CSMD1: variants seen among roughly 807,000 people sequenced by gnomAD.
CSMD1 encodes the protein CUB and sushi domain-containing protein 1.
In CSMD1, 213 loss-of-function variants were observed where a neutral mutation model predicts 417.5. That is an observed-to-expected ratio of 0.51 (90% CI 0.46 to 0.57). The LOEUF is 0.57. Ranked by LOEUF, CSMD1 falls within the 20% of genes least tolerant of loss-of-function variation. The pLI, the probability that CSMD1 is intolerant of heterozygous loss-of-function variation, is 0.00. For missense variants in CSMD1, 6,923 were observed against 4,529.7 expected (o/e 1.53, Z -15.17); for synonymous variants, 2,862 against 1,736.8 (o/e 1.65, Z -16.11).
intron 5 of CSMD1, among the ~76,000 whole-genome samples, chr8:3,847,544 C>T (rs75804867): frequency 0.023 from 3,461 of 152,206 alleles, 127 homozygotes; most frequent in African/African-American, 0.079. Context: ...AGATCACAGA[C>T]TGAAGGAGTC....
chr8:3,094,682 T>A (rs538452258), intron 47 of CSMD1, among the ~76,000 whole-genome samples: 1 of 151,914 alleles, frequency 6.6e-6, no homozygotes, highest in South Asian at 2.1e-4. Flanking sequence ...AAAAGCATTA[T>A]GGGATATCCA....
At chr8:3,738,179 T>C (rs1796620626) in intron 6 of CSMD1, among the ~76,000 whole-genome samples, 1 of 152,332 alleles carries the variant, frequency 6.6e-6, no homozygotes, top group African/African-American at 2.4e-5. Flanking sequence ...CTTTGATCTA[T>C]ACATTTAATA....
intron 21 of CSMD1, among the ~76,000 whole-genome samples, chr8:3,354,923 C>CTATAGATATATCTATAGATATGTCTATA (rs1808672729): frequency 6.6e-6 from 1 of 150,490 alleles, no homozygotes; most frequent in Non-Finnish European, 1.5e-5. Context: ...ATATGTCTAT[C>CTATAGATATATCTATAGATATGTCTATA]TATAGATATA....
intron 37 of CSMD1, among the ~76,000 whole-genome samples, chr8:3,171,594 A>T (rs1293865200): frequency 1.3e-5 from 2 of 152,186 alleles, no homozygotes; most frequent in South Asian, 4.1e-4. Context: ...TGCAAGACCT[A>T]CTGTAGAACA....
At chr8:3,460,447 G>C (rs930661119) in intron 12 of CSMD1, among the ~76,000 whole-genome samples, 2 of 152,066 alleles carry the variant, frequency 1.3e-5, no homozygotes, top group Non-Finnish European at 1.5e-5. Context: ...AAACAGTGTA[G>C]GAACACTCTC....
At chr8:3,280,445 C>A (rs1802645482) in intron 26 of CSMD1, among the ~76,000 whole-genome samples, 2 of 152,134 alleles carry the variant, frequency 1.3e-5, no homozygotes, top group South Asian at 4.1e-4. Flanking sequence ...GTTTTTATAT[C>A]TTGTTTTTCC....
At chr8:4,695,459 C>T (rs1807067111) in intron 1 of CSMD1, among the ~76,000 whole-genome samples, 2 of 152,120 alleles carry the variant, frequency 1.3e-5, no homozygotes, top group East Asian at 3.8e-4. Flanking sequence ...GTTATGTGGA[C>T]TCAGTTGTTG....
chr8:3,094,800 C>CAAAAAAAAA (rs33991879), intron 47 of CSMD1, among the ~76,000 whole-genome samples: 2 of 105,408 alleles, frequency 1.9e-5, no homozygotes, highest in Non-Finnish European at 3.8e-5. Context: ...GCCCGTCTTA[C>CAAAAAAAAA]AAAAAAAAAA....
chr8:3,054,124 C>A (rs973915325), intron 49 of CSMD1, among the ~76,000 whole-genome samples: 5 of 152,210 alleles, frequency 3.3e-5, no homozygotes, highest in African/African-American at 1.2e-4. Flanking sequence ...TGCAAAAGCA[C>A]AGGTTATCTC....
intron 5 of CSMD1, among the ~76,000 whole-genome samples, chr8:3,979,986 G>C (rs6983520): frequency 0.012 from 1,786 of 152,302 alleles, 42 homozygotes; most frequent in African/African-American, 0.041. Context: ...TAAGAACTGG[G>C]TTGAACAACT....
intron 1 of CSMD1, among the ~76,000 whole-genome samples, chr8:4,716,396 G>C (rs935120186): frequency 3.3e-5 from 5 of 152,142 alleles, no homozygotes; most frequent in Non-Finnish European, 5.9e-5. Flanking sequence ...CCAACACAAG[G>C]ATGGGACTTT....
At chr8:4,214,759 C>T (rs1006243619) in intron 3 of CSMD1, among the ~76,000 whole-genome samples, 1 of 152,034 alleles carries the variant, frequency 6.6e-6, no homozygotes, top group Non-Finnish European at 1.5e-5. Context: ...GACATATTTC[C>T]TCTAAATGCT....
intron 3 of CSMD1, among the ~76,000 whole-genome samples, chr8:4,370,567 A>G (rs1310836596): frequency 6.6e-6 from 1 of 152,204 alleles, no homozygotes; most frequent in African/African-American, 2.4e-5. Context: ...TCTTGCTGGA[A>G]TAACAATGAG....
chr8:4,680,969 TGTGTGTGAGA>T (rs1196465929), intron 1 of CSMD1, among the ~76,000 whole-genome samples: 3 of 123,340 alleles, frequency 2.4e-5, no homozygotes, highest in African/African-American at 9.8e-5. Context: ...TGTGTGTGTG[TGTGTGTGAGA>T]GAGAGAGAGA....
intron 3 of CSMD1, among the ~76,000 whole-genome samples, chr8:4,285,156 A>C (rs955238776): frequency 6.6e-6 from 1 of 152,206 alleles, no homozygotes; most frequent in East Asian, 1.9e-4. Context: ...GTTGTCCACA[A>C]GTTTTACTCC....
At chr8:4,111,880 A>G (rs1314773172) in intron 3 of CSMD1, among the ~76,000 whole-genome samples, 1 of 152,198 alleles carries the variant, frequency 6.6e-6, no homozygotes, top group Non-Finnish European at 1.5e-5. Context: ...ATGTTTACCT[A>G]TGTAAGAAAC....
At chr8:3,894,621 C>T (rs1483227541) in intron 5 of CSMD1, among the ~76,000 whole-genome samples, 1 of 152,128 alleles carries the variant, frequency 6.6e-6, no homozygotes, top group Non-Finnish European at 1.5e-5. Flanking sequence ...AATAAATGCT[C>T]AGTGCTAAGG....
chr8:4,085,767 A>C (rs1800386393), intron 3 of CSMD1, among the ~76,000 whole-genome samples: 1 of 152,186 alleles, frequency 6.6e-6, no homozygotes, highest in Admixed American at 6.5e-5. Context: ...TGGCTTCCAG[A>C]AGTTAAAGGA....
rs749101073 is a variant in CSMD1, at chr8:3,406,157, C to T, written c.2136G>A (p.Arg712=). 2 of 1,613,620 alleles carry T rather than the reference C, an allele frequency of 1.2e-6. No homozygotes were observed. The highest frequency in any genetic ancestry group is 2.2e-5 in the South Asian group (2 of 91,042). ...IPINGRRFGD[R]FLLGSSVSFH... is the part of the protein sequence containing the mutation. ...AAGAAACCGAGCTCCCGAGTAGAAA[C>T]CTGTCACCAAAACGTCGTCCGTTTA... The change falls in exon 15 of 70, where the codon AGG becomes AGA. Residue 712 remains arginine (R), a synonymous_variant. Transcript: ENST00000635120.
Sources: gnomAD v4.1 joint callset for allele counts (sites outside exome capture counted in the v4.1 genomes callset) on GRCh38, gnomAD v4.1.1 for gene constraint, MANE v1.5 for transcripts, NCBI Gene and HGNC (gene_info 2026-07-23, HGNC 2026-07-21) for gene names.